The following MDGA2 variants were observed in gnomAD, a reference collection of about 807,000 sequenced individuals.
The protein encoded by MDGA2 is MAM domain containing glycosylphosphatidylinositol anchor 2, also known as MAM domain-containing glycosylphosphatidylinositol anchor protein 2.
Under a neutral mutation model 117.8 loss-of-function variants are expected in MDGA2, and 40 were observed. The observed-to-expected ratio is 0.34, with a 90% CI of 0.26 to 0.44. The LOEUF (loss-of-function observed/expected upper bound fraction) is 0.44, where lower values mean the gene tolerates loss of function less well. Among genes scored for constraint, MDGA2 ranks in the 20% least tolerant of loss-of-function variants. MDGA2 has a pLI of 1.00. For missense variants in MDGA2, 1,123 were observed against 1,250.6 expected (o/e 0.90, Z 1.54); for synonymous variants, 452 against 439.0 (o/e 1.03, Z -0.37).
intron 5 of MDGA2, among the ~76,000 whole-genome samples, chr14:47,111,873 A>G (rs1217444442): frequency 1.3e-5 from 2 of 152,200 alleles, no homozygotes; most frequent in African/African-American, 4.8e-5. Context: ...CAGATTAAAA[A>G]AGATAAGAGG....
chr14:47,473,529 T>C (rs1893772777), intron 1 of MDGA2, among the ~76,000 whole-genome samples: 2 of 152,030 alleles, frequency 1.3e-5, no homozygotes, highest in South Asian at 4.1e-4. Flanking sequence ...CTTCAATAAA[T>C]TAATATTAAC....
intron 3 of MDGA2, among the ~76,000 whole-genome samples, chr14:47,153,381 G>C (rs1883236619): frequency 6.6e-6 from 1 of 152,136 alleles, no homozygotes; most frequent in East Asian, 1.9e-4. Flanking sequence ...AGGTCTCTAA[G>C]GACCTGGATT....
intron 3 of MDGA2, among the ~76,000 whole-genome samples, chr14:47,171,592 T>C (rs1884136974): frequency 6.6e-6 from 1 of 151,874 alleles, no homozygotes; most frequent in Admixed American, 6.5e-5. Context: ...AAAATATACA[T>C]TTTGAATGCA....
At chr14:47,096,377 A>T (rs1359965710) in intron 6 of MDGA2, among the ~76,000 whole-genome samples, 1 of 152,000 alleles carries the variant, frequency 6.6e-6, no homozygotes, top group Non-Finnish European at 1.5e-5. Flanking sequence ...TATTTTCACT[A>T]TCTGACAGTG....
intron 1 of MDGA2, among the ~76,000 whole-genome samples, chr14:47,331,525 A>ATG (rs1348341616): frequency 5.4e-5 from 8 of 149,016 alleles, no homozygotes; most frequent in African/African-American, 1.5e-4. Context: ...GCTTCTGTTG[A>ATG]CGCAGATTCT....
intron 8 of MDGA2, among the ~76,000 whole-genome samples, chr14:47,032,915 T>G (rs1331821033): frequency 6.6e-6 from 1 of 152,206 alleles, no homozygotes; most frequent in African/African-American, 2.4e-5. Context: ...GTTGCCTTCC[T>G]GGGCAGGCCA....
intron 6 of MDGA2, among the ~76,000 whole-genome samples, chr14:47,065,037 A>G (rs958862667): frequency 6.6e-6 from 1 of 152,012 alleles, no homozygotes; most frequent in African/African-American, 2.4e-5. Flanking sequence ...ATCCCCTAAC[A>G]CCAGCCTGAG....
Position 46,864,545 on chromosome 14 carries a change from G to GTTTTTTTTTTTT in MDGA2, c.2752+8876_2752+8887dup, listed in dbSNP as rs71112467. ...TTTGTTGCGCTTTGCAGATATTGCT[G>GTTTTTTTTTTTT]TTTTTTTTTTTTTTTTTTTTTTTTT... On this transcript the variant is annotated intron_variant, in intron 14 of 16. Transcript: ENST00000399232. Among the ~76,000 whole-genome samples the GTTTTTTTTTTTT allele has an allele frequency of 5.7e-3, 291 of 51,448 alleles. 53 individuals are homozygous for GTTTTTTTTTTTT. Among genetic ancestry groups the GTTTTTTTTTTTT allele is most frequent in the Non-Finnish European group, 9.5e-3 (242 of 25,428 alleles). 33.8% of individuals were successfully genotyped at this position (51,448 alleles called of 152,430 possible). A position where few individuals can be genotyped will look rare whatever the true frequency, so the allele number is the denominator to read the frequency against.
At chr14:46,844,004 TG>T (rs751729811) in intron 16 of MDGA2, among the ~76,000 whole-genome samples, 1 of 152,190 alleles carries the variant, frequency 6.6e-6, no homozygotes, top group Non-Finnish European at 1.5e-5. Flanking sequence ...ATGTGAAATA[TG>T]GAGATGAGGA....
At chr14:47,221,030 T>C (rs956119137) in intron 2 of MDGA2, among the ~76,000 whole-genome samples, 4 of 152,174 alleles carry the variant, frequency 2.6e-5, no homozygotes, top group Non-Finnish European at 4.4e-5. Flanking sequence ...TAGAAAAGCA[T>C]ATTGTGGTGG....
chr14:47,115,915 A>T (rs1447724688), intron 5 of MDGA2, among the ~76,000 whole-genome samples: 4 of 152,058 alleles, frequency 2.6e-5, no homozygotes, highest in African/African-American at 9.6e-5. Context: ...TCAACACAGT[A>T]GTGTTAGTCC....
At chr14:47,624,185 C>T (rs1012269815) in intron 1 of MDGA2, among the ~76,000 whole-genome samples, 2 of 152,138 alleles carry the variant, frequency 1.3e-5, no homozygotes, top group East Asian at 1.9e-4. Flanking sequence ...AGGCCGGGTG[C>T]GGTAGCTCAC....
intron 1 of MDGA2, among the ~76,000 whole-genome samples, chr14:47,381,199 T>C (rs1356360164): frequency 2.0e-5 from 3 of 152,184 alleles, no homozygotes; most frequent in Non-Finnish European, 4.4e-5. Flanking sequence ...TAGGTATTGA[T>C]GGGACATATC....
At chr14:47,054,708 A>G (rs903621470) in intron 7 of MDGA2, among the ~76,000 whole-genome samples, 22 of 151,816 alleles carry the variant, frequency 1.4e-4, no homozygotes, top group African/African-American at 5.3e-4. Flanking sequence ...ACATATCTAC[A>G]ACTATCTGAT....
chr14:46,862,838 A>G (rs1367844913), intron 14 of MDGA2, among the ~76,000 whole-genome samples: 1 of 151,874 alleles, frequency 6.6e-6, no homozygotes, highest in Non-Finnish European at 1.5e-5. Flanking sequence ...TAAAATCATT[A>G]TTTTCTGCTT....
intron 3 of MDGA2, among the ~76,000 whole-genome samples, chr14:47,155,410 G>T (rs536297124): frequency 1.3e-5 from 2 of 152,174 alleles, no homozygotes; most frequent in East Asian, 3.9e-4. Context: ...GGGAAACCCA[G>T]ACCTAGCAGC....
chr14:46,863,364 A>G (rs1289251562), intron 14 of MDGA2, among the ~76,000 whole-genome samples: 1 of 152,160 alleles, frequency 6.6e-6, no homozygotes, highest in East Asian at 1.9e-4. Context: ...GAACTATTTG[A>G]TGAATAAAAA....
intron 3 of MDGA2, among the ~76,000 whole-genome samples, chr14:47,216,111 T>C (rs746156266): frequency 2.6e-5 from 4 of 151,996 alleles, no homozygotes; most frequent in Admixed American, 6.6e-5. Flanking sequence ...GCAAGAGATA[T>C]GAGCAGGTAG....
At chr14:47,290,864 T>G (rs1888862521) in intron 2 of MDGA2, among the ~76,000 whole-genome samples, 1 of 151,828 alleles carries the variant, frequency 6.6e-6, no homozygotes. Context: ...GACTCCATTC[T>G]ACTGTGAATC....
Sources: gnomAD v4.1 joint callset for allele counts (sites outside exome capture counted in the v4.1 genomes callset) on GRCh38, gnomAD v4.1.1 for gene constraint, MANE v1.5 for transcripts, NCBI Gene and HGNC (gene_info 2026-07-23, HGNC 2026-07-21) for gene names.